The following ADGRB3 variants were observed in gnomAD, a reference collection of about 807,000 sequenced individuals.
The protein encoded by ADGRB3 is brain-specific angiogenesis inhibitor 3.
Under a neutral mutation model 193.4 loss-of-function variants are expected in ADGRB3, and 37 were observed. The ratio of observed to expected loss-of-function variants is 0.19; its 90% confidence interval spans 0.15 to 0.25. The LOEUF (loss-of-function observed/expected upper bound fraction) is 0.25. Among genes scored for constraint, ADGRB3 ranks in the 10% least tolerant of loss-of-function variants. ADGRB3 has a pLI of 1.00. For synonymous variants in ADGRB3, 690 were observed against 644.2 expected (o/e 1.07, Z -1.08); for missense variants, 1,637 against 1,852.9 (o/e 0.88, Z 2.14).
intron 3 of ADGRB3, among the ~76,000 whole-genome samples, chr6:68,643,419 C>T (rs2341765): frequency 3.9e-5 from 5 of 129,688 alleles, no homozygotes; most frequent in Non-Finnish European, 6.4e-5. Flanking sequence ...TCACCTTTCT[C>T]TTTACACTCT....
chr6:68,995,859 A>T lies in ADGRB3; in HGVS notation c.1929+1897A>T, dbSNP rs1254009883. Among the ~76,000 whole-genome samples the T allele has an allele frequency of 2.0e-5, 3 of 152,036 alleles. 1 individual carries two copies. Among genetic ancestry groups the T allele is most frequent in the African/African-American group, 7.2e-5 (3 of 41,406 alleles). On this transcript the variant is annotated intron_variant, in intron 11 of 31. Transcript: ENST00000370598. ...CTCCAGATGACCAACCCCCACCTTT[A>T]TCTGAAAATGATTTTTCTCTTATCT...
At chr6:69,181,147 ATCC>A (rs1327531057) in intron 17 of ADGRB3, among the ~76,000 whole-genome samples, 1 of 152,182 alleles carries the variant, frequency 6.6e-6, no homozygotes, top group Non-Finnish European at 1.5e-5. Context: ...GTTTGCCTGC[ATCC>A]TCCTCCTGAG....
At chr6:69,178,624 A>T (rs1775497263) in intron 17 of ADGRB3, among the ~76,000 whole-genome samples, 1 of 152,124 alleles carries the variant, frequency 6.6e-6, no homozygotes, top group Non-Finnish European at 1.5e-5. Context: ...TCCCTTAAGG[A>T]TTTCTCATAA....
chr6:69,200,206 A>G (rs1423147216), intron 17 of ADGRB3, among the ~76,000 whole-genome samples: 1 of 152,078 alleles, frequency 6.6e-6, no homozygotes, highest in Admixed American at 6.6e-5. Flanking sequence ...ATGAAGTTTC[A>G]AGAAAATGAG....
chr6:69,110,756 G>A (rs757827197), intron 17 of ADGRB3, among the ~76,000 whole-genome samples: 3 of 152,140 alleles, frequency 2.0e-5, no homozygotes, highest in African/African-American at 7.2e-5. Context: ...GCTGTTGATG[G>A]AAACAGGGGT....
In ADGRB3 at chr6:68,640,005, C is replaced by T. The variant is rs1410965559; in HGVS notation, c.757+573C>T. Among the ~76,000 whole-genome samples, 4 of 152,172 alleles carry T rather than the reference C, an allele frequency of 2.6e-5. No homozygotes were observed. The East Asian group carries it at 5.8e-4, about 22-fold the overall frequency. ...ATGAAGGCAGGTGTACCCCCCTTCT[C>T]CCCTGGTCTGGAATTTTATTTGAGG... On this transcript the variant is annotated intron_variant, in intron 3 of 31. Transcript: ENST00000370598.
At chr6:68,925,291 A>G (rs1169195695) in intron 3 of ADGRB3, among the ~76,000 whole-genome samples, 1 of 152,024 alleles carries the variant, frequency 6.6e-6, no homozygotes, top group South Asian at 2.1e-4. Flanking sequence ...CACTATCAAA[A>G]TATCTCCCAA....
chr6:68,880,764 C>G (rs1765710718), intron 3 of ADGRB3, among the ~76,000 whole-genome samples: 1 of 56,140 alleles, frequency 1.8e-5, no homozygotes, highest in Admixed American at 1.6e-4. Context: ...TATTGTCCCC[C>G]AAAACAAATT....
At chr6:69,054,126 G>C (rs1298090813) in intron 15 of ADGRB3, among the ~76,000 whole-genome samples, 2 of 152,046 alleles carry the variant, frequency 1.3e-5, no homozygotes, top group Non-Finnish European at 2.9e-5. Context: ...TTCCACTATA[G>C]TGGAATAAAG....
intron 3 of ADGRB3, among the ~76,000 whole-genome samples, chr6:68,640,975 A>T (rs1024413827): frequency 6.6e-6 from 1 of 152,190 alleles, no homozygotes; most frequent in African/African-American, 2.4e-5. Flanking sequence ...TTTCTGTAGT[A>T]AAAAATCCCA....
intron 3 of ADGRB3, among the ~76,000 whole-genome samples, chr6:68,788,482 T>G (rs1474809108): frequency 6.6e-6 from 1 of 152,220 alleles, no homozygotes; most frequent in Non-Finnish European, 1.5e-5. Flanking sequence ...AGTTTCTTAA[T>G]CCTGAGTTCT....
chr6:69,144,233 T>C (rs1270364201), intron 17 of ADGRB3, among the ~76,000 whole-genome samples: 1 of 152,216 alleles, frequency 6.6e-6, no homozygotes, highest in South Asian at 2.1e-4. Context: ...TGCTACTGAT[T>C]GTTGTATGTT....
chr6:69,027,988 T>G (rs1408202307), intron 13 of ADGRB3, among the ~76,000 whole-genome samples: 2 of 152,192 alleles, frequency 1.3e-5, no homozygotes, highest in Non-Finnish European at 2.9e-5. Context: ...TATGTTATCC[T>G]TCCTAACTCC....
At chr6:69,258,191 T>C (rs1290098737) in intron 20 of ADGRB3, among the ~76,000 whole-genome samples, 1 of 134,948 alleles carries the variant, frequency 7.4e-6, no homozygotes, top group Non-Finnish European at 1.7e-5. Context: ...GGAAGAATTA[T>C]AAGAAAAGAA....
intron 17 of ADGRB3, among the ~76,000 whole-genome samples, chr6:69,140,299 CAA>C (rs1774293332): frequency 6.6e-6 from 1 of 151,938 alleles, no homozygotes; most frequent in Non-Finnish European, 1.5e-5. Context: ...AAAGAACAAA[CAA>C]AGAAAAAAAT....
chr6:68,660,747 C>T (rs939978191), intron 3 of ADGRB3, among the ~76,000 whole-genome samples: 4 of 151,094 alleles, frequency 2.6e-5, no homozygotes, highest in African/African-American at 7.3e-5. Flanking sequence ...ATTACTCTTA[C>T]ACAGTAATTC....
Position 69,174,495 on chromosome 6 carries a change from C to T in ADGRB3, c.2481-58795C>T, listed in dbSNP as rs145193501. On this transcript the variant is annotated intron_variant, in intron 17 of 31. Transcript: ENST00000370598. ...TGCATATGACATTTTTTATACAATC[C>T]ACTGTTAATGGGACCTGGGTTGATT... 2.2e-3 allele frequency among the ~76,000 whole-genome samples: 340 copies of T among 152,222 alleles called. 4 individuals carry two copies. Among genetic ancestry groups the T allele is most frequent in the African/African-American group, 8.0e-3 (333 of 41,540 alleles).
intron 3 of ADGRB3, among the ~76,000 whole-genome samples, chr6:68,676,026 T>C (rs553224055): frequency 6.6e-6 from 1 of 152,352 alleles, no homozygotes; most frequent in Admixed American, 6.5e-5. Flanking sequence ...TTGCCTCATT[T>C]TAACATTTGG....
At chr6:69,361,624 A>C in intron 29 of ADGRB3, 112 bp downstream of exon 29, 1 of 1,263,386 alleles carries the variant, frequency 7.9e-7, no homozygotes. Context: ...TGGGAAGAGA[A>C]GATTCACATT....
Sources: allele counts gnomAD v4.1 joint callset (sites outside exome capture counted in the v4.1 genomes callset), GRCh38; gene constraint gnomAD v4.1.1; transcripts MANE v1.5; gene names NCBI Gene and HGNC (gene_info 2026-07-23, HGNC 2026-07-21).